The following GNB5 variants were observed in gnomAD, a reference collection of about 807,000 sequenced individuals.
GNB5 encodes G protein subunit beta 5, also known as guanine nucleotide-binding protein subunit beta-5.
GNB5 carries 37 observed loss-of-function variants against 55.3 expected under a neutral mutation model. The observed-to-expected ratio is 0.67, with a 90% CI of 0.51 to 0.88. GNB5 has a LOEUF of 0.88. GNB5 is among the 40% of genes least tolerant of loss of function. GNB5 has a pLI of 0.00. For synonymous variants in GNB5, 219 were observed against 198.5 expected (o/e 1.10, Z -0.87); for missense variants, 476 against 515.3 (o/e 0.92, Z 0.74).
intron 5 of GNB5, 139 bp downstream of exon 5, chr15:52,149,745 G>A: frequency 2.8e-6 from 2 of 725,576 alleles, no homozygotes; most frequent in Non-Finnish European, 2.5e-6. Flanking sequence ...GGCCTTCTTG[G>A]GGTTTCCATC....
At position 52,140,622 on chromosome 15, in the gene GNB5, C is replaced by T. The variant is rs116857615; in HGVS notation, c.627+518G>A. On this transcript the variant is annotated intron_variant, in intron 7 of 12. Coordinates refer to ENST00000261837, the MANE Select transcript of GNB5 (RefSeq NM_016194.4). ...AATAAGTGTGAATAAATAAACGATG[C>T]GGTGCTTTCACCACTTGCTAAAGAA... 6.8e-3 allele frequency among the ~76,000 whole-genome samples: 1,043 copies of T among 152,296 alleles called. 16 individuals carry two copies. Among genetic ancestry groups the T allele is most frequent in the East Asian group, 0.025 (130 of 5,190 alleles).
chr15:52,145,448 T>C (rs961022286), intron 6 of GNB5, among the ~76,000 whole-genome samples: 1 of 151,156 alleles, frequency 6.6e-6, no homozygotes, highest in African/African-American at 2.4e-5. Flanking sequence ...GAGACCACCC[T>C]GGCCAACATG....
chr15:52,190,778 T>TAAAAAA (rs58614125), intron 1 of GNB5, among the ~76,000 whole-genome samples: 34 of 96,900 alleles, frequency 3.5e-4, no homozygotes, highest in African/African-American at 1.5e-3. Flanking sequence ...CTTATTTCCT[T>TAAAAAA]AAAAAAAAAA....
chr15:52,155,149 C>T (rs897571601), intron 3 of GNB5, among the ~76,000 whole-genome samples: 1 of 152,214 alleles, frequency 6.6e-6, no homozygotes, highest in African/African-American at 2.4e-5. Context: ...CCATCTACAT[C>T]TCCTTCCTTG....
At chr15:52,132,390 T>G (rs1401822932) in intron 9 of GNB5, among the ~76,000 whole-genome samples, 1 of 152,210 alleles carries the variant, frequency 6.6e-6, no homozygotes, top group African/African-American at 2.4e-5. Context: ...ATTTCTTTCT[T>G]GAACTCACAC....
rs56254654 is a variant in GNB5 at position 52,123,061 on chromosome 15, C to A, written c.1177-293G>T. ...TGCAGCCTCCTTACGGGCCTAGCTA[C>A]TCTTCCAGATTGACAACCAAAACCA... On this transcript the variant is annotated intron_variant, in intron 12 of 12. Coordinates refer to ENST00000261837, the MANE Select transcript of GNB5 (RefSeq NM_016194.4). Among the ~76,000 whole-genome samples the A allele has an allele frequency of 0.018, 2,762 of 152,230 alleles. 76 individuals are homozygous for A. The highest frequency in any genetic ancestry group is 0.064 in the African/African-American group (2,673 of 41,500).
chr15:52,179,146 C>G (rs1421778376), intron 3 of GNB5, among the ~76,000 whole-genome samples: 1 of 152,180 alleles, frequency 6.6e-6, no homozygotes, highest in Non-Finnish European at 1.5e-5. Flanking sequence ...TGCCAATCCA[C>G]CACATCGATC....
intron 3 of GNB5, among the ~76,000 whole-genome samples, chr15:52,174,819 C>T (rs145230065): frequency 2.2e-4 from 33 of 152,216 alleles, no homozygotes; most frequent in African/African-American, 5.8e-4. Context: ...CGGTGGCACA[C>T]GCCTGTAATC....
In GNB5 at chr15:52,120,726, T is replaced by C. The variant is rs1013746862; in HGVS notation, c.*2031A>G. ...GACATTCTGGAGCAGAGCTCAGGAATCCCATGGTGCCCTGACCCCTTCAGC... is the reference window on the plus strand; with the variant it reads ...GACATTCTGGAGCAGAGCTCAGGAACCCCATGGTGCCCTGACCCCTTCAGC... On this transcript the variant is annotated 3_prime_UTR_variant, in exon 13 of 13. Coordinates refer to ENST00000261837, the MANE Select transcript of GNB5 (RefSeq NM_016194.4). The C allele has an allele frequency of 6.6e-6, 1 of 152,036 alleles. No individual in the cohort carries two copies. The highest frequency in any genetic ancestry group is 1.5e-5 in the Non-Finnish European group (1 of 68,030). The allele number at this position is 152,036 out of a possible 1,614,324, so 9.4% of individuals were successfully genotyped here. A position where few individuals can be genotyped will look rare whatever the true frequency, so the allele number is the denominator to read the frequency against.
chr15:52,138,663 ACTAGTGG>A (rs2033784021), intron 7 of GNB5: 1 of 152,154 alleles, frequency 6.6e-6, no homozygotes, highest in South Asian at 2.1e-4. Context: ...GCCCACACCC[ACTAGTGG>A]CTGTTCCAAC....
chr15:52,162,138 G>A (rs927910630), intron 3 of GNB5, among the ~76,000 whole-genome samples: 1 of 152,146 alleles, frequency 6.6e-6, no homozygotes, highest in African/African-American at 2.4e-5. Flanking sequence ...GGGGCCTGAG[G>A]GAAGAGCACA....
chr15:52,152,335 G>T (rs1418045985), intron 4 of GNB5, among the ~76,000 whole-genome samples: 8 of 148,322 alleles, frequency 5.4e-5, no homozygotes, highest in Non-Finnish European at 1.0e-4. Context: ...TTTTTTTTTT[G>T]GAGAAAAAAA....
In GNB5 at chr15:52,135,763, G is replaced by C; in HGVS notation, c.628-7C>G. 1.2e-6 allele frequency: 2 copies of C among 1,611,364 alleles called. No individual in the cohort carries two copies. Among genetic ancestry groups the C allele is most frequent in the Middle Eastern group, 4.2e-4 (2 of 4,798 alleles). ...CGCCGCTCGCTGTCAGGATCTGCCC[G>C]CAGAAAAGGACAGGAAGTGGGTGGT... On this transcript the variant is annotated splice_polypyrimidine_tract_variant and splice_region_variant and intron_variant, in intron 7 of 12. Transcript: ENST00000261837.
intron 3 of GNB5, among the ~76,000 whole-genome samples, chr15:52,155,395 C>G (rs1334960457): frequency 1.3e-5 from 2 of 152,136 alleles, no homozygotes; most frequent in African/African-American, 4.8e-5. Context: ...CAGCAGCGTC[C>G]CTTCCTGGGA....
At chr15:52,138,794 T>A (rs1002697261) in intron 7 of GNB5, 1 of 152,236 alleles carries the variant, frequency 6.6e-6, no homozygotes, top group African/African-American at 2.4e-5. Context: ...TAGGAAATTT[T>A]CATACCATAC....
At chr15:52,127,563 T>C (rs1354647313) in intron 10 of GNB5, among the ~76,000 whole-genome samples, 1 of 152,184 alleles carries the variant, frequency 6.6e-6, no homozygotes, top group Non-Finnish European at 1.5e-5. Context: ...GTTTTAAATT[T>C]TCATTATTTC....
chr15:52,184,770 T>G, intron 1 of GNB5, 76 bp from the exon 2 acceptor site: 1 of 1,231,668 alleles, frequency 8.1e-7, no homozygotes, highest in Non-Finnish European at 1.2e-6. Context: ...TCTTCTTGCT[T>G]GTACCGTGGT....
intron 2 of GNB5, chr15:52,181,163 C>T (rs1297138297): frequency 6.6e-6 from 1 of 152,330 alleles, no homozygotes; most frequent in Admixed American, 6.5e-5. Context: ...CCAGCCTCCA[C>T]TTGCTGTCCC....
intron 12 of GNB5, among the ~76,000 whole-genome samples, chr15:52,124,190 G>A (rs1289156954): frequency 6.6e-6 from 1 of 152,134 alleles, no homozygotes; most frequent in Non-Finnish European, 1.5e-5. Flanking sequence ...GACTTTTAGG[G>A]TCAAAAGGAA....
Sources: gnomAD v4.1 joint callset for allele counts (sites outside exome capture counted in the v4.1 genomes callset) on GRCh38, gnomAD v4.1.1 for gene constraint, MANE v1.5 for transcripts, NCBI Gene and HGNC (gene_info 2026-07-23, HGNC 2026-07-21) for gene names.